The following DOCK3 variants were observed in gnomAD, a reference collection of about 807,000 sequenced individuals.
DOCK3 encodes dedicator of cytokinesis 3, also known as dedicator of cytokinesis protein 3.
In DOCK3, 60 loss-of-function variants were observed where a neutral mutation model predicts 265.6. The ratio of observed to expected loss-of-function variants is 0.23; its 90% CI spans 0.18 to 0.28. The LOEUF (loss-of-function observed/expected upper bound fraction) is 0.28. Among genes scored for constraint, DOCK3 ranks in the 10% least tolerant of loss-of-function variants. DOCK3 has a pLI of 1.00. For missense variants in DOCK3, 1,981 were observed against 2,594.3 expected (o/e 0.76, Z 5.14); for synonymous variants, 881 against 938.0 (o/e 0.94, Z 1.11).
chr3:51,113,433 T>A (rs1460567414), intron 9 of DOCK3, among the ~76,000 whole-genome samples: 1 of 152,118 alleles, frequency 6.6e-6, no homozygotes, highest in Non-Finnish European at 1.5e-5. Flanking sequence ...ACCCCAGTAA[T>A]CTACTGGTAT....
chr3:51,304,531 A>C (rs773181940), intron 27 of DOCK3, among the ~76,000 whole-genome samples: 1 of 152,134 alleles, frequency 6.6e-6, no homozygotes, highest in Non-Finnish European at 1.5e-5. Flanking sequence ...CAGTTGTCTT[A>C]GCCTCCAGCT....
In DOCK3 at chr3:50,890,081, GGTGA is replaced by G; in HGVS notation, c.218+3_218+6del. ...AAAAAGGCAATTGTCAGTAATAGGGGGTGAGTAATTGGCCTTACTAAATTTATGT... is the reference window on the plus strand; with the variant it reads ...AAAAAGGCAATTGTCAGTAATAGGGGGTAATTGGCCTTACTAAATTTATGT... On this transcript the variant is annotated splice_donor_variant and splice_donor_region_variant and intron_variant, in intron 4 of 52. Coordinates refer to ENST00000266037, the MANE Select transcript of DOCK3 (RefSeq NM_004947.5). LOFTEE classifies it high-confidence loss of function. 2 of 1,430,136 alleles carry G rather than the reference GGTGA, an allele frequency of 1.4e-6. No individual in the cohort carries two copies. Among genetic ancestry groups the G allele is most frequent in the Non-Finnish European group, 1.8e-6 (2 of 1,102,796 alleles). The allele number at this position is 1,430,136 out of a possible 1,614,324, so 88.6% of individuals were successfully genotyped here. A position where few individuals can be genotyped will look rare whatever the true frequency, so the allele number is the denominator to read the frequency against.
In DOCK3 at chr3:51,348,880, G is replaced by A. The variant is rs1330433509; in HGVS notation, c.3944G>A (p.Arg1315Lys). 3 of 1,585,138 alleles carry A rather than the reference G, an allele frequency of 1.9e-6. No individual in the cohort carries two copies. The highest frequency in any genetic ancestry group is 2.6e-6 in the Non-Finnish European group (3 of 1,165,510). ...KSWEFGIPLC[R>K]ELACQYESLY... ...TGGGAGTTTGGGATCCCACTGTGCA[G>A]GGAGCTGGCGTGTCAGTACGAGAGC... The change falls in exon 39 of 53, where the codon AGG becomes AAG. Residue 1315 changes from arginine to lysine, a missense_variant. Transcript: ENST00000266037.
chr3:51,004,440 G>T (rs1178491405), intron 5 of DOCK3, among the ~76,000 whole-genome samples: 1 of 152,102 alleles, frequency 6.6e-6, no homozygotes, highest in Non-Finnish European at 1.5e-5. Context: ...CATCATATTT[G>T]TGATTTCCAG....
intron 22 of DOCK3, among the ~76,000 whole-genome samples, chr3:51,249,540 G>C (rs1486076460): frequency 9.7e-6 from 1 of 102,750 alleles, no homozygotes; most frequent in Non-Finnish European, 2.1e-5. Context: ...CGCCCGGTCC[G>C]GGAGGGAGGT....
chr3:51,008,955 C>T (rs2078810270), intron 5 of DOCK3, among the ~76,000 whole-genome samples: 1 of 151,970 alleles, frequency 6.6e-6, no homozygotes, highest in Admixed American at 6.5e-5. Flanking sequence ...GCCTTGCATC[C>T]CAGGGATGAA....
intron 49 of DOCK3, among the ~76,000 whole-genome samples, chr3:51,368,249 G>T (rs1438922178): frequency 6.6e-6 from 1 of 152,184 alleles, no homozygotes; most frequent in Admixed American, 6.5e-5. Context: ...CACGGAGCAG[G>T]GCGGGGCATT....
chr3:51,132,924 C>T (rs2084623181), intron 9 of DOCK3, among the ~76,000 whole-genome samples: 1 of 152,160 alleles, frequency 6.6e-6, no homozygotes, highest in Non-Finnish European at 1.5e-5. Context: ...ACCCAAGCTG[C>T]CATCAGCCTT....
intron 32 of DOCK3, among the ~76,000 whole-genome samples, chr3:51,316,890 C>T (rs1457640498): frequency 1.3e-5 from 2 of 152,080 alleles, no homozygotes; most frequent in Non-Finnish European, 1.5e-5. Flanking sequence ...CAGATATTTT[C>T]TGCAAATCTT....
chr3:50,855,876 C>T (rs1559728811), intron 3 of DOCK3, among the ~76,000 whole-genome samples: 1 of 152,078 alleles, frequency 6.6e-6, no homozygotes, highest in African/African-American at 2.4e-5. Flanking sequence ...GTGTTGTTTC[C>T]CCCCATGTGT....
chr3:51,285,466 C>T (rs2081353299), intron 27 of DOCK3, among the ~76,000 whole-genome samples: 1 of 151,474 alleles, frequency 6.6e-6, no homozygotes, highest in Admixed American at 6.6e-5. Flanking sequence ...AACAAAGAAA[C>T]AGAAAGTATA....
chr3:51,146,759 TTA>T (rs1669471433), intron 10 of DOCK3, 129 bp downstream of exon 10: 2 of 743,286 alleles, frequency 2.7e-6, no homozygotes, highest in Non-Finnish European at 4.3e-6. Flanking sequence ...AGGACTTGAT[TTA>T]TGTTTCTATT....
intron 5 of DOCK3, among the ~76,000 whole-genome samples, chr3:51,028,950 G>A (rs929689913): frequency 1.3e-5 from 2 of 152,186 alleles, no homozygotes; most frequent in African/African-American, 2.4e-5. Flanking sequence ...TAGAGAGCTA[G>A]TGTGATCCTT....
At chr3:51,177,998 AAAAAACAAAC>A (rs1335231785) in intron 12 of DOCK3, among the ~76,000 whole-genome samples, 2 of 63,570 alleles carry the variant, frequency 3.1e-5, no homozygotes, top group East Asian at 6.7e-4. Flanking sequence ...TCAAAAAAAC[AAAAAACAAAC>A]AAAAAAAAAC....
chr3:51,225,866 A>T, intron 15 of DOCK3, 93 bp downstream of exon 15: 1 of 1,444,232 alleles, frequency 6.9e-7, no homozygotes, highest in Non-Finnish European at 9.2e-7. Flanking sequence ...TTCAAGCAGG[A>T]TTAAAATCAC....
At chr3:51,026,401 G>A (rs1050427557) in intron 5 of DOCK3, among the ~76,000 whole-genome samples, 2 of 149,346 alleles carry the variant, frequency 1.3e-5, no homozygotes, top group East Asian at 1.9e-4. Context: ...GAGAAGTTTT[G>A]CATCTATGTT....
intron 12 of DOCK3, among the ~76,000 whole-genome samples, chr3:51,206,812 G>A (rs972353925): frequency 7.9e-5 from 12 of 152,210 alleles, no homozygotes; most frequent in South Asian, 6.2e-4. Flanking sequence ...TTATTATACC[G>A]GTCCAGAAGA....
At chr3:51,289,142 C>A (rs2081590412) in intron 27 of DOCK3, among the ~76,000 whole-genome samples, 1 of 152,056 alleles carries the variant, frequency 6.6e-6, no homozygotes, top group South Asian at 2.1e-4. Flanking sequence ...TTTTCTGCAG[C>A]AACATGGATG....
intron 10 of DOCK3, 118 bp from the exon 11 acceptor site, chr3:51,159,126 G>A: frequency 5.8e-6 from 5 of 866,928 alleles, no homozygotes; most frequent in Admixed American, 2.1e-5. Flanking sequence ...GCTATATGCT[G>A]TAATCTCCCT....
Sources: gnomAD v4.1 joint callset for allele counts (sites outside exome capture counted in the v4.1 genomes callset) on GRCh38, gnomAD v4.1.1 for gene constraint, MANE v1.5 for transcripts, NCBI Gene and HGNC (gene_info 2026-07-23, HGNC 2026-07-21) for gene names.